The following CTSB variants were observed in gnomAD, a reference collection of about 807,000 sequenced individuals.
The protein encoded by CTSB is cathepsin B.
Under a neutral mutation model 44.3 loss-of-function variants are expected in CTSB, and 57 were observed. That is an observed-to-expected ratio of 1.29 (90% confidence interval 1.04 to 1.60). The LOEUF (loss-of-function observed/expected upper bound fraction) is 1.60. Ranked by LOEUF, CTSB falls within the 40% of genes most tolerant of loss-of-function variation. The pLI, the probability that CTSB is intolerant of heterozygous loss-of-function variation, is 0.00. For missense variants in CTSB, 768 were observed against 443.0 expected, an observed-to-expected ratio of 1.73 and a Z score of -6.59; for synonymous variants, 320 against 168.0, an observed-to-expected ratio of 1.91 and a Z score of -7.00.
rs146220622 is a variant in CTSB, at chr8:11,847,779, G to A, written c.576C>T (p.Asn192=). 2.8e-3 allele frequency: 4,481 copies of A among 1,598,858 alleles called. 10 individuals carry two copies. The highest frequency in any genetic ancestry group is 3.5e-3 in the Non-Finnish European group (4,127 of 1,175,686). Residue 192 remains asparagine (N), a synonymous_variant, in exon 7 of 10, where the codon AAC becomes AAT. Coordinates refer to ENST00000353047, the MANE Select transcript of CTSB (RefSeq NM_001908.5). ...CCCCCGTGCATGGGGGCCGGGAGCC[G>A]TTGACGTGGTGCTCACAGGGAGGGA... The part of the protein sequence containing the change: ...YSIPPCEHHV[N]GSRPPCTGEG...
chr8:11,845,558 CAGGGTTTAAGGCTGTGCGGTGGGT>C (rs1813139309), intron 9 of CTSB, 79 bp downstream of exon 9: 1 of 1,413,996 alleles, frequency 7.1e-7, no homozygotes, highest in Non-Finnish European at 9.6e-7. Flanking sequence ...GCCGTAGGTC[CAGGGTTTAAGGCTGTGCGGTGGGT>C]AGAACAGAGA....
chr8:11,861,077 G>C lies in CTSB; in HGVS notation c.-26+6924C>G, dbSNP rs554244285. On this transcript the variant is annotated intron_variant, in intron 1 of 9. Coordinates refer to ENST00000353047, the MANE Select transcript of CTSB (RefSeq NM_001908.5). ...GATGTGTTACGTCTTTGCCCCTAAT[G>C]GAACTGTGTTTAGTAGATTCTTGGC... 2.2e-3 allele frequency among the ~76,000 whole-genome samples: 334 copies of C among 152,264 alleles called. 2 individuals carry two copies. The highest frequency in any genetic ancestry group is 7.8e-3 in the African/African-American group (322 of 41,544).
intron 1 of CTSB, among the ~76,000 whole-genome samples, chr8:11,861,210 G>T (rs1481628137): frequency 6.6e-6 from 1 of 152,194 alleles, no homozygotes; most frequent in East Asian, 1.9e-4. Context: ...CATGGAGCAG[G>T]CTCCCTGCAG....
intron 3 of CTSB, 22 bp downstream of exon 3, chr8:11,852,588 G>T: frequency 6.3e-7 from 1 of 1,593,678 alleles, no homozygotes; most frequent in Non-Finnish European, 8.6e-7. Flanking sequence ...CATTACAGCG[G>T]TGCAGAGGAG....
chr8:11,865,608 G>C (rs964331916), intron 1 of CTSB: 2 of 150,828 alleles, frequency 1.3e-5, no homozygotes, highest in Non-Finnish European at 3.0e-5. Context: ...AGGAGAGAGA[G>C]AAAAGAAGAA....
intron 1 of CTSB, among the ~76,000 whole-genome samples, chr8:11,857,704 C>G (rs1284038095): frequency 6.6e-6 from 1 of 152,116 alleles, no homozygotes; most frequent in African/African-American, 2.4e-5. Flanking sequence ...CTTCCCTGCA[C>G]CCGCCCTCCT....
At chr8:11,865,966 C>T (rs1817076170) in intron 1 of CTSB, among the ~76,000 whole-genome samples, 1 of 148,564 alleles carries the variant, frequency 6.7e-6, no homozygotes, top group Non-Finnish European at 1.5e-5. Context: ...TGGCAGTGAA[C>T]CGAGATCGCA....
intron 1 of CTSB, among the ~76,000 whole-genome samples, chr8:11,856,420 CCTGA>C (rs879697667): frequency 1.6e-4 from 24 of 152,210 alleles, no homozygotes; most frequent in Non-Finnish European, 2.4e-4. Context: ...TAGAGACCAG[CCTGA>C]CTAAGGTGGT....
intron 3 of CTSB, 80 bp downstream of exon 3, chr8:11,852,530 C>T (rs1814775734): frequency 4.4e-6 from 5 of 1,131,490 alleles, no homozygotes; most frequent in Non-Finnish European, 6.4e-6. Flanking sequence ...GCCAGAGAGG[C>T]CTTCACTCTC....
At position 11,843,947 on chromosome 8, in the gene CTSB, G is replaced by C. The variant is rs1462763327; in HGVS notation, c.*1178C>G. On this transcript the variant is annotated 3_prime_UTR_variant, in exon 10 of 10. Transcript: ENST00000353047. Reference sequence around the variant, plus strand: ...CTCGGAAGGCTGAAGCAGGAGAATCGCTTGAATCTAGGAGGCTGCAGGTTG... The same window carrying C: ...CTCGGAAGGCTGAAGCAGGAGAATCCCTTGAATCTAGGAGGCTGCAGGTTG... 2 of 152,236 alleles carry C rather than the reference G, an allele frequency of 1.3e-5. No individual in the cohort carries two copies. The highest frequency in any genetic ancestry group is 4.8e-5 in the African/African-American group (2 of 41,442). The allele number at this position is 152,236 out of a possible 1,614,324, so 9.4% of individuals were successfully genotyped here.
In CTSB at chr8:11,848,129, T is replaced by G. The variant is rs899697784; in HGVS notation, c.470A>C (p.Glu157Ala). 2 of 1,614,022 alleles carry G rather than the reference T, an allele frequency of 1.2e-6. No homozygotes were observed. Among genetic ancestry groups the G allele is most frequent in the African/African-American group, 2.7e-5 (2 of 74,910 alleles). ...TTTTCTTGTCCAGAAGTTCCAAGCT[T>G]CAGCAGGATAGCCACCATTACAGCT... ...GDGCNGGYPAEAWNFWTRKGL... is the reference protein window; with the variant it reads ...GDGCNGGYPAAAWNFWTRKGL... The change falls in exon 6 of 10, where the codon GAA (glutamate) becomes GCA (alanine). Residue 157 changes from glutamate (E) to alanine (A), a missense_variant. Physicochemically the swap from Glu to Ala is moderately radical, Grantham distance 107 (BLOSUM62 -1). Coordinates refer to ENST00000353047, the MANE Select transcript of CTSB (RefSeq NM_001908.5).
At position 11,849,109 on chromosome 8, in the gene CTSB, T is replaced by G; in HGVS notation, c.383A>C (p.His128Pro). Residue 128 changes from histidine (H) to proline (P), a missense_variant, in exon 5 of 10, where the codon CAC (histidine) becomes CCC (proline). Physicochemically the swap from His to Pro is moderately conservative, Grantham distance 77. Transcript: ENST00000353047. ...SDRICIHTNAHVSVEVSAEDL... is the reference protein window; with the variant it reads ...SDRICIHTNAPVSVEVSAEDL... ...CTCCGCCGACACCTCCACGCTGACG[T>G]GCGCATTGGTGTGGATGCAGATCCG... 2 of 1,613,538 alleles carry G rather than the reference T, an allele frequency of 1.2e-6. No individual in the cohort carries two copies. Among genetic ancestry groups the G allele is most frequent in the Non-Finnish European group, 1.7e-6 (2 of 1,179,856 alleles).
At chr8:11,846,909 A>G in intron 8 of CTSB, 143 bp downstream of exon 8, 2 of 649,048 alleles carry the variant, frequency 3.1e-6, no homozygotes, top group Non-Finnish European at 5.6e-6. Flanking sequence ...GAGTGAGCCT[A>G]TATGGAAGGC....
At chr8:11,866,629 A>G (rs61635988) in intron 1 of CTSB, among the ~76,000 whole-genome samples, 11,386 of 152,270 alleles carry the variant, frequency 0.075, 877 homozygotes, top group African/African-American at 0.19. Flanking sequence ...GGAGGCCGAG[A>G]CAGGCGGATC....
At chr8:11,862,770 G>A (rs375045186) in intron 1 of CTSB, among the ~76,000 whole-genome samples, 1 of 152,270 alleles carries the variant, frequency 6.6e-6, no homozygotes, top group South Asian at 2.1e-4. Context: ...AGGTCAGCAC[G>A]TCAGAGGGTC....
rs984340948 is a variant in CTSB, at chr8:11,868,031, G to C, written c.-56C>G. 6 of 152,666 alleles carry C rather than the reference G, an allele frequency of 3.9e-5. No individual in the cohort carries two copies. The highest frequency in any genetic ancestry group is 1.4e-4 in the African/African-American group (6 of 41,452). The allele number at this position is 152,666 out of a possible 1,614,324, so 9.5% of individuals were successfully genotyped here. ...GCTGCAGCCGAGAGCCTGCAGCCCA[G>C]CCTGCGCGCAGCGGAGCGGTTGGCG... is the stretch of plus-strand genomic sequence containing the variant. On this transcript the variant is annotated 5_prime_UTR_variant, in exon 1 of 10. Coordinates refer to ENST00000353047, the MANE Select transcript of CTSB (RefSeq NM_001908.5).
In CTSB at chr8:11,843,330, G is replaced by GCATCTGGTT. The variant is rs1812605724; in HGVS notation, c.*1786_*1794dup. On this transcript the variant is annotated 3_prime_UTR_variant, in exon 10 of 10. Coordinates refer to ENST00000353047, the MANE Select transcript of CTSB (RefSeq NM_001908.5). ...AGATTTTCAGAGCTTATTTGATCTA[G>GCATCTGGTT]CATCTGGTTCCTAAATTCTGAGTCA... is the stretch of plus-strand genomic sequence containing the variant. 1 of 152,166 alleles carries GCATCTGGTT rather than the reference G, an allele frequency of 6.6e-6. No homozygotes were observed. The highest frequency in any genetic ancestry group is 1.5e-5 in the Non-Finnish European group (1 of 68,038). The allele number at this position is 152,166 out of a possible 1,614,324, so 9.4% of individuals were successfully genotyped here.
Position 11,848,052 on chromosome 8 carries a change from A to G in CTSB, c.532+15T>C. The G allele has an allele frequency of 1.9e-6, 3 of 1,595,596 alleles. No homozygotes were observed. The highest frequency in any genetic ancestry group is 2.6e-6 in the Non-Finnish European group (3 of 1,166,766). ...AATCCATCTGGCCAGAAAGTGGCCA[A>G]GGGGACACACTTACCTACATGGGAT... On this transcript the variant is annotated intron_variant, in intron 6 of 9. Coordinates refer to ENST00000353047, the MANE Select transcript of CTSB (RefSeq NM_001908.5).
rs919120896 is a variant in CTSB at position 11,843,370 on chromosome 8, C to G, written c.*1755G>C. On this transcript the variant is annotated 3_prime_UTR_variant, in exon 10 of 10. Coordinates refer to ENST00000353047, the MANE Select transcript of CTSB (RefSeq NM_001908.5). Reference sequence around the variant, plus strand: ...ATTCTGAGTCACATCAGAAGCCAAACTTGAATGCTTTTGGAAAGAGCTAGC... The same window carrying G: ...ATTCTGAGTCACATCAGAAGCCAAAGTTGAATGCTTTTGGAAAGAGCTAGC... 10 of 152,300 alleles carry G rather than the reference C, an allele frequency of 6.6e-5. No individual in the cohort carries two copies. The highest frequency in any genetic ancestry group is 3.4e-3 in the Middle Eastern group (1 of 294). The allele number at this position is 152,300 out of a possible 1,614,324, so 9.4% of individuals were successfully genotyped here.
Sources: gnomAD v4.1 joint callset for allele counts (sites outside exome capture counted in the v4.1 genomes callset) on GRCh38, gnomAD v4.1.1 for gene constraint, MANE v1.5 for transcripts, NCBI Gene and HGNC (gene_info 2026-07-23, HGNC 2026-07-21) for gene names.